Variants in HOXA6 observed in about 807,000 individuals in gnomAD.
The protein encoded by HOXA6 is homeobox A6.
Under a neutral mutation model 23.2 loss-of-function variants are expected in HOXA6, and 19 were observed. The observed-to-expected ratio is 0.82, with a 90% confidence interval of 0.57 to 1.20. The LOEUF (loss-of-function observed/expected upper bound fraction) is 1.20, where lower values mean the gene tolerates loss of function less well. Ranked by LOEUF, HOXA6 falls within the 50% of genes most tolerant of loss-of-function variation. HOXA6 has a pLI of 0.00. For synonymous variants in HOXA6, 140 were observed against 132.6 expected (o/e 1.06, Z -0.38); for missense variants, 346 against 313.6 (o/e 1.10, Z -0.78).
rs761176216 is a variant in HOXA6, at chr7:27,145,846, T to G, written c.514A>C (p.Lys172Gln). Residue 172 changes from lysine (K) to glutamine (Q), a missense_variant, in exon 2 of 2, where the codon AAG becomes CAG. Lys to Gln is a moderately conservative substitution (Grantham distance 53, BLOSUM62 1). Coordinates refer to ENST00000222728, the MANE Select transcript of HOXA6 (RefSeq NM_024014.4). ...YTRYQTLELE[K>Q]EFHFNRYLTR... ...AGGTAGCGGTTGAAGTGGAACTCCTTCTCCAGCTCCAGTGTCTGGTAGCGC... is the reference window on the plus strand; with the variant it reads ...AGGTAGCGGTTGAAGTGGAACTCCTGCTCCAGCTCCAGTGTCTGGTAGCGC... The G allele has an allele frequency of 6.2e-7, 1 of 1,614,222 alleles. No homozygotes were observed. Among genetic ancestry groups the G allele is most frequent in the Non-Finnish European group, 8.5e-7 (1 of 1,180,036 alleles).
At chr7:27,147,116 C>T in intron 1 of HOXA6, 192 bp downstream of exon 1, 1 of 630,804 alleles carries the variant, frequency 1.6e-6, no homozygotes, top group Non-Finnish European at 2.7e-6. Flanking sequence ...GGGGCCTTGC[C>T]CTTCCTCTGC....
rs768817015 is a variant in HOXA6 at position 27,147,398 on chromosome 7, C to CGCT, written c.349_351dup (p.Ser117dup). The CGCT allele has an allele frequency of 6.2e-7, 1 of 1,614,186 alleles. No homozygotes were observed. The highest frequency in any genetic ancestry group is 1.7e-5 in the Admixed American group (1 of 60,022). On this transcript the variant is annotated inframe_insertion, in exon 1 of 2. Transcript: ENST00000222728. ...TCGTCATGGAGTGCTTTGCCCTGCC[C>CGCT]GCTGCTGCTGTCGGGTTTGTACTGC...
intron 1 of HOXA6, 51 bp downstream of exon 1, chr7:27,147,257 T>C: frequency 6.7e-7 from 1 of 1,503,564 alleles, no homozygotes. Context: ...TCTTTCTTTC[T>C]TTTCCTGCCT....
Position 27,145,661 on chromosome 7 carries a change from C to T in HOXA6, c.699G>A (p.Glu233=), listed in dbSNP as rs62454417. The T allele has an allele frequency of 2.9e-3, 4,628 of 1,612,880 alleles. 13 individuals are homozygous for T. Among genetic ancestry groups the T allele is most frequent in the Non-Finnish European group, 3.6e-3 (4,296 of 1,179,272 alleles). Reference sequence around the variant, plus strand: ...GGCCTGGTCCCTGCCCAGGCATCTACTCGCCCGCCTTTGCCTCTGAGTCCT... The same window carrying T: ...GGCCTGGTCCCTGCCCAGGCATCTATTCGCCCGCCTTTGCCTCTGAGTCCT... The part of the protein sequence containing the change: ...SGEDSEAKAG[E] The change falls in exon 2 of 2, where the codon GAG becomes GAA. Residue 233 remains glutamate (E), a synonymous_variant. Coordinates refer to ENST00000222728, the MANE Select transcript of HOXA6 (RefSeq NM_024014.4).
Position 27,147,500 on chromosome 7 carries a change from C to A in HOXA6, c.250G>T (p.Asp84Tyr), listed in dbSNP as rs1439161871. The change falls in exon 1 of 2, where the codon GAC becomes TAC. Residue 84 changes from aspartate to tyrosine, a missense_variant. By Grantham distance (160) the Asp-to-Tyr change is radical (BLOSUM62 -3). Transcript: ENST00000222728. ...CCCGAGGGCGAGGCGCCACTGAGGT[C>A]CTTATCAGAATAGAAACACGAGGCC... ...YGASCFYSDK[D>Y]LSGASPSGSG... 1 of 1,614,204 alleles carries A rather than the reference C, an allele frequency of 6.2e-7. No homozygotes were observed. Among genetic ancestry groups the A allele is most frequent in the Non-Finnish European group, 8.5e-7 (1 of 1,180,048 alleles).
rs368790713 is a variant in HOXA6 at position 27,147,544 on chromosome 7, C to G, written c.206G>C (p.Arg69Pro). 1.2e-6 allele frequency: 2 copies of G among 1,614,030 alleles called. No individual in the cohort carries two copies. The highest frequency in any genetic ancestry group is 1.6e-4 in the Middle Eastern group (1 of 6,084). The change falls in exon 1 of 2, where the codon CGG becomes CCG. Residue 69 changes from arginine (R) to proline (P), a missense_variant. Transcript: ENST00000222728. ...CGAGGCCCCGTACTCGTAGGACGCC[C>G]GGTTGCAGGCCAGGACCGAGTTGGA... is the stretch of plus-strand genomic sequence containing the variant. Reference protein sequence around the residue: ...QQSNSVLACNRASYEYGASCF... With the variant: ...QQSNSVLACNPASYEYGASCF...
rs1392744918 is a variant in HOXA6, at chr7:27,145,550, G to A, written c.*108C>T. On this transcript the variant is annotated 3_prime_UTR_variant, in exon 2 of 2. Transcript: ENST00000222728. ...AAGCTCCGGGCTCCCCTGAAGCTGC[G>A]GAAGCCCCCAGATGGGAGCAGGCGG... 12 of 1,394,396 alleles carry A rather than the reference G, an allele frequency of 8.6e-6. No individual in the cohort carries two copies. The South Asian group carries it at 9.6e-5, about 11-fold the overall frequency. The allele number at this position is 1,394,396 out of a possible 1,614,324, so 86.4% of individuals were successfully genotyped here. A position where few individuals can be genotyped will look rare whatever the true frequency, so the allele number is the denominator to read the frequency against.
chr7:27,147,482 G>C lies in HOXA6; in HGVS notation c.268C>G (p.Pro90Ala). 1.2e-6 allele frequency: 2 copies of C among 1,614,188 alleles called. No homozygotes were observed. The highest frequency in any genetic ancestry group is 1.7e-6 in the Non-Finnish European group (2 of 1,180,006). Residue 90 changes from proline (P) to alanine (A), a missense_variant, in exon 1 of 2, where the codon CCC (proline) becomes GCC (alanine). Pro to Ala is a conservative substitution (Grantham distance 27, BLOSUM62 -1). Transcript: ENST00000222728. Reference sequence around the variant, plus strand: ...CCCCTCTGCTTGCCACTGCCCGAGGGCGAGGCGCCACTGAGGTCCTTATCA... The same window carrying C: ...CCCCTCTGCTTGCCACTGCCCGAGGCCGAGGCGCCACTGAGGTCCTTATCA... The part of the protein sequence containing the change: ...YSDKDLSGAS[P>A]SGSGKQRGPG...
At position 27,145,460 on chromosome 7, in the gene HOXA6, T is replaced by G; in HGVS notation, c.*198A>C. The G allele has an allele frequency of 1.3e-5, 3 of 231,972 alleles. No individual in the cohort carries two copies. Among genetic ancestry groups the G allele is most frequent in the African/African-American group, 5.6e-5 (1 of 17,964 alleles). 14.4% of individuals were successfully genotyped at this position (231,972 alleles called of 1,614,324 possible). A position where few individuals can be genotyped will look rare whatever the true frequency, so the allele number is the denominator to read the frequency against. On this transcript the variant is annotated 3_prime_UTR_variant, in exon 2 of 2. Coordinates refer to ENST00000222728, the MANE Select transcript of HOXA6 (RefSeq NM_024014.4). ...GCTGTGTGTGAGGTTTTGTTTTGTT[T>G]TGTTTTGTTTTGTTTTGTTTTGTTT...
chr7:27,147,155 A>AT (rs1181316740), intron 1 of HOXA6, 153 bp downstream of exon 1: 20 of 809,684 alleles, frequency 2.5e-5, no homozygotes, highest in Non-Finnish European at 3.2e-5. Flanking sequence ...TTGGGAACTG[A>AT]TTTTTTCTTC....
Position 27,145,455 on chromosome 7 carries a change from T to G in HOXA6, c.*203A>C. The G allele has an allele frequency of 1.2e-5, 1 of 80,810 alleles. No individual in the cohort carries two copies. 5.0% of individuals were successfully genotyped at this position (80,810 alleles called of 1,614,324 possible). A position where few individuals can be genotyped will look rare whatever the true frequency, so the allele number is the denominator to read the frequency against. ...TATTGGCTGTGTGTGAGGTTTTGTT[T>G]TGTTTTGTTTTGTTTTGTTTTGTTT... On this transcript the variant is annotated 3_prime_UTR_variant, in exon 2 of 2. Coordinates refer to ENST00000222728, the MANE Select transcript of HOXA6 (RefSeq NM_024014.4).
Position 27,147,457 on chromosome 7 carries a change from C to T in HOXA6, c.293G>A (p.Gly98Asp), listed in dbSNP as rs779257098. 20 of 1,614,096 alleles carry T rather than the reference C, an allele frequency of 1.2e-5. No individual in the cohort carries two copies. Among genetic ancestry groups the T allele is most frequent in the African/African-American group, 4.0e-5 (3 of 74,924 alleles). Residue 98 changes from glycine to aspartate, a missense_variant, in exon 1 of 2, where the codon GGC becomes GAC. Transcript: ENST00000222728. ...ASPSGSGKQR[G>D]PGDYLHFSPE... ...AGAAAAGTGCAGGTAGTCCCCGGGGCCCCTCTGCTTGCCACTGCCCGAGGG... is the reference window on the plus strand; with the variant it reads ...AGAAAAGTGCAGGTAGTCCCCGGGGTCCCTCTGCTTGCCACTGCCCGAGGG...
rs753858296 is a variant in HOXA6, at chr7:27,147,728, G to T, written c.22C>A (p.Pro8Thr). 4 of 1,609,648 alleles carry T rather than the reference G, an allele frequency of 2.5e-6. No homozygotes were observed. The highest frequency in any genetic ancestry group is 3.4e-6 in the Non-Finnish European group (4 of 1,179,238). MSSYFVN[P>T]TFPGSLPSGQ... ...CTGGGAAGGCTCCCGGGGAAAGTGG[G>T]ATTCACAAAATAGGAACTCATTTGC... Residue 8 changes from proline (P) to threonine (T), a missense_variant, in exon 1 of 2, where the codon CCC becomes ACC. Pro to Thr is a conservative substitution (Grantham distance 38). Coordinates refer to ENST00000222728, the MANE Select transcript of HOXA6 (RefSeq NM_024014.4).
Position 27,147,430 on chromosome 7 carries a change from G to A in HOXA6, c.320C>T (p.Pro107Leu), listed in dbSNP as rs961128013. The A allele has an allele frequency of 1.1e-5, 18 of 1,614,068 alleles. No homozygotes were observed. The highest frequency in any genetic ancestry group is 1.6e-4 in the Middle Eastern group (1 of 6,084). Reference sequence around the variant, plus strand: ...GCTGTCGGGTTTGTACTGCTGCTCGGGAGAAAAGTGCAGGTAGTCCCCGGG... The same window carrying A: ...GCTGTCGGGTTTGTACTGCTGCTCGAGAGAAAAGTGCAGGTAGTCCCCGGG... ...RGPGDYLHFSPEQQYKPDSSS... is the reference protein window; with the variant it reads ...RGPGDYLHFSLEQQYKPDSSS... The change falls in exon 1 of 2, where the codon CCC becomes CTC. Residue 107 changes from proline to leucine, a missense_variant. By Grantham distance (98) the Pro-to-Leu change is moderately conservative (BLOSUM62 -3). Coordinates refer to ENST00000222728, the MANE Select transcript of HOXA6 (RefSeq NM_024014.4).
intron 1 of HOXA6, among the ~76,000 whole-genome samples, chr7:27,146,517 G>T (rs1025983281): frequency 6.6e-6 from 1 of 152,172 alleles, no homozygotes; most frequent in Non-Finnish European, 1.5e-5. Context: ...TTAACAATCC[G>T]CATTAGGCTC....
intron 1 of HOXA6, among the ~76,000 whole-genome samples, chr7:27,146,750 A>C (rs1782780995): frequency 6.6e-6 from 1 of 152,040 alleles, no homozygotes; most frequent in South Asian, 2.1e-4. Flanking sequence ...GTTGGCTAAG[A>C]GTGGGCAGTT....
In HOXA6 at chr7:27,147,526, C is replaced by T. The variant is rs539083745; in HGVS notation, c.224G>A (p.Gly75Glu). ...LACNRASYEY[G>E]ASCFYSDKDL... ...CTTATCAGAATAGAAACACGAGGCC[C>T]CGTACTCGTAGGACGCCCGGTTGCA... Residue 75 changes from glycine (G) to glutamate (E), a missense_variant, in exon 1 of 2, where the codon GGG (glycine) becomes GAG (glutamate). Gly to Glu is a moderately conservative substitution (Grantham distance 98, BLOSUM62 -2). Transcript: ENST00000222728. The T allele has an allele frequency of 6.2e-7, 1 of 1,614,168 alleles. No individual in the cohort carries two copies. Among genetic ancestry groups the T allele is most frequent in the Non-Finnish European group, 8.5e-7 (1 of 1,180,022 alleles).
At position 27,147,328 on chromosome 7, in the gene HOXA6, T is replaced by C. The variant is rs781580474; in HGVS notation, c.422A>G (p.Gln141Arg). The C allele has an allele frequency of 6.2e-7, 1 of 1,613,968 alleles. No homozygotes were observed. Among genetic ancestry groups the C allele is most frequent in the South Asian group, 1.1e-5 (1 of 91,090 alleles). Residue 141 changes from glutamine (Q) to arginine (R), a missense_variant, in exon 1 of 2, where the codon CAG becomes CGG. By Grantham distance (43) the Gln-to-Arg change is conservative. Transcript: ENST00000222728. Reference sequence around the variant, plus strand: ...CTTACCCGCGCAGGAGTTCATCCGCTGCATCCAAGGGTAAACCGGGCTCGT... The same window carrying C: ...CTTACCCGCGCAGGAGTTCATCCGCCGCATCCAAGGGTAAACCGGGCTCGT... ...KYTSPVYPWM[Q>R]RMNSCAGAVY...
At position 27,145,618 on chromosome 7, in the gene HOXA6, G is replaced by A. The variant is rs746724245; in HGVS notation, c.*40C>T. ...CAGGCGAGGGCAAGGGGGCAAAGCC[G>A]AAGGAGGTTGCAGCGCTGGCCTGGT... On this transcript the variant is annotated 3_prime_UTR_variant, in exon 2 of 2. Coordinates refer to ENST00000222728, the MANE Select transcript of HOXA6 (RefSeq NM_024014.4). 2.1e-5 allele frequency: 34 copies of A among 1,590,278 alleles called. 1 individual carries two copies. Among genetic ancestry groups the A allele is most frequent in the Admixed American group, 1.5e-4 (9 of 58,838 alleles).
Sources: allele counts gnomAD v4.1 joint callset (sites outside exome capture counted in the v4.1 genomes callset), GRCh38; gene constraint gnomAD v4.1.1; transcripts MANE v1.5; gene names NCBI Gene and HGNC (gene_info 2026-07-23, HGNC 2026-07-21).